CDH3: variants seen among roughly 807,000 people sequenced by gnomAD.
The protein encoded by CDH3 is cadherin 3, also known as cadherin-3.
Under a neutral mutation model 82.0 loss-of-function variants are expected in CDH3, and 54 were observed. The ratio of observed to expected loss-of-function variants is 0.66; its 90% confidence interval spans 0.53 to 0.83. The LOEUF (loss-of-function observed/expected upper bound fraction) is 0.83, where lower values mean the gene tolerates loss of function less well. CDH3 is among the 40% of genes least tolerant of loss of function. The pLI, the probability that CDH3 is intolerant of heterozygous loss-of-function variation, is 0.00. For synonymous variants in CDH3, 446 were observed against 437.9 expected, an observed-to-expected ratio of 1.02 and a Z score of -0.23; for missense variants, 1,054 against 1,084.6, an observed-to-expected ratio of 0.97 and a Z score of 0.40.
At chr16:68,732,521 A>G in the CDH3 span, among the ~76,000 whole-genome samples, 3 of 152,240 alleles carry the variant, frequency 2.0e-5, no homozygotes, top group East Asian at 3.9e-4. Context: ...GTTATCTGCC[A>G]GGTGACAGGG....
In CDH3 at chr16:68,691,740, C is replaced by A; in HGVS notation, c.1816C>A (p.Leu606Met). The A allele has an allele frequency of 6.2e-7, 1 of 1,614,118 alleles. No homozygotes were observed. The highest frequency in any genetic ancestry group is 8.5e-7 in the Non-Finnish European group (1 of 1,179,964). The change falls in exon 13 of 16, where the codon CTG becomes ATG. Residue 606 changes from leucine to methionine, a missense_variant. Physicochemically the swap from Leu to Met is conservative, Grantham distance 15 (BLOSUM62 2). Coordinates refer to ENST00000264012, the MANE Select transcript of CDH3 (RefSeq NM_001793.6). ...TCCAGGTGACACAGTGGTCTTGTCCCTGAAGAAGTTCCTGAAGCAGGATAC... is the reference window on the plus strand; with the variant it reads ...TCCAGGTGACACAGTGGTCTTGTCCATGAAGAAGTTCCTGAAGCAGGATAC... ...NEEGDTVVLS[L>M]KKFLKQDTYD...
intron 2 of CDH3, among the ~76,000 whole-genome samples, chr16:68,656,802 C>T (rs534232266): frequency 6.6e-6 from 1 of 152,342 alleles, no homozygotes; most frequent in South Asian, 2.1e-4. Context: ...ATTCTCTCCA[C>T]AGGCCCCTGC....
Position 68,706,325 on chromosome 16 carries a change from T to C in CDH3, c.99+10402T>C, listed in dbSNP as rs563278452. On this transcript the variant is annotated intron_variant, in intron 1 of 2. Coordinates refer to the CDH3 transcript ENST00000569080. ...GTCCCAGCCCAGGAGCAGCGGCCAG[T>C]GCCCTGCTCTACCCAGCCCAAGCAC... Among the ~76,000 whole-genome samples, 113 of 152,066 alleles carry C rather than the reference T, an allele frequency of 7.4e-4. 1 individual carries two copies. Among genetic ancestry groups the C allele is most frequent in the African/African-American group, 2.5e-3 (104 of 41,508 alleles).
At chr16:68,694,331 A>T (rs1381368465) in intron 13 of CDH3, among the ~76,000 whole-genome samples, 31 of 149,526 alleles carry the variant, frequency 2.1e-4, no homozygotes, top group Non-Finnish European at 3.7e-4. Context: ...AAAAAAAAAA[A>T]AAAATTCCGG....
At chr16:68,688,256 C>T (rs1255160894) in intron 12 of CDH3, among the ~76,000 whole-genome samples, 3 of 151,782 alleles carry the variant, frequency 2.0e-5, no homozygotes, top group Non-Finnish European at 4.4e-5. Flanking sequence ...CCCCGTGGCC[C>T]ACAAGATGCC....
chr16:68,719,201 C>T (rs1304119180), intron 1 of CDH3, among the ~76,000 whole-genome samples: 7 of 150,946 alleles, frequency 4.6e-5, no homozygotes, highest in Non-Finnish European at 1.0e-4. Flanking sequence ...GGAGATTGTG[C>T]CATTGCACTC....
intron 1 of CDH3, among the ~76,000 whole-genome samples, chr16:68,718,184 T>C (rs1159112612): frequency 6.6e-6 from 1 of 152,034 alleles, no homozygotes; most frequent in East Asian, 1.9e-4. Context: ...TTTGTATTTT[T>C]TCTAGAGATA....
At position 68,716,620 on chromosome 16, in the gene CDH3, C is replaced by CAAAAAA. The variant is rs563385107; in HGVS notation, c.100-5791_100-5786dup. Among the ~76,000 whole-genome samples, 34 of 100,760 alleles carry CAAAAAA rather than the reference C, an allele frequency of 3.4e-4. 3 individuals carry two copies. Among genetic ancestry groups the CAAAAAA allele is most frequent in the Non-Finnish European group, 3.9e-4 (21 of 53,598 alleles). 66.1% of individuals were successfully genotyped at this position (100,760 alleles called of 152,430 possible). A position where few individuals can be genotyped will look rare whatever the true frequency, so the allele number is the denominator to read the frequency against. On this transcript the variant is annotated intron_variant, in intron 1 of 2. Coordinates refer to the CDH3 transcript ENST00000569080. ...TGGGTGACAGAATGAGACTCCGGCT[C>CAAAAAA]AAAAAAAAAAAAAAAAAAAGAAAAG...
Position 68,678,574 on chromosome 16 carries a change from A to AG in CDH3, c.467dup (p.Val157CysfsTer15). ...GGGCCGGGGGCAGACAGCCCCCCTG[A>AG]GGGTGTCTTCGCTGTAGAGAAGGAG... On this transcript the variant is annotated frameshift_variant, in exon 5 of 16. Coordinates refer to ENST00000264012, the MANE Select transcript of CDH3 (RefSeq NM_001793.6). LOFTEE classifies it high-confidence loss of function. The AG allele has an allele frequency of 6.2e-7, 1 of 1,614,236 alleles. No homozygotes were observed. The highest frequency in any genetic ancestry group is 8.5e-7 in the Non-Finnish European group (1 of 1,180,030).
rs774584408 is a variant in CDH3, at chr16:68,695,773, A to C, written c.2134-4A>C. 1 of 1,614,056 alleles carries C rather than the reference A, an allele frequency of 6.2e-7. No homozygotes were observed. Among genetic ancestry groups the C allele is most frequent in the Non-Finnish European group, 8.5e-7 (1 of 1,180,006 alleles). On this transcript the variant is annotated splice_polypyrimidine_tract_variant and splice_region_variant and intron_variant, in intron 14 of 15. Transcript: ENST00000264012. ...GTCACCTGCTCTCCTGCATTTCCCC[A>C]CAGGACTATGACATCACCCAGCTCC...
At position 68,684,739 on chromosome 16, in the gene CDH3, G is replaced by A. The variant is rs145160881; in HGVS notation, c.1339G>A (p.Val447Ile). The part of the protein sequence containing the change: ...APVFVPPSKV[V>I]EVQEGIPTGE... ...TGTGTTTGTCCCACCCTCCAAAGTC[G>A]TTGAGGTCCAGGAGGGCATCCCCAC... The change falls in exon 10 of 16, where the codon GTT (valine) becomes ATT (isoleucine). Residue 447 changes from valine to isoleucine, a missense_variant. Coordinates refer to ENST00000264012, the MANE Select transcript of CDH3 (RefSeq NM_001793.6). 321 of 1,614,084 alleles carry A rather than the reference G, an allele frequency of 2.0e-4. 1 individual carries two copies. Among genetic ancestry groups the A allele is most frequent in the Non-Finnish European group, 2.5e-4 (293 of 1,180,056 alleles).
chr16:68,698,278 G>A lies in CDH3; in HGVS notation c.2368G>A (p.Ala790Thr), dbSNP rs773908098. The A allele has an allele frequency of 4.1e-5, 66 of 1,614,212 alleles. No homozygotes were observed. The South Asian group carries it at 6.3e-4, about 15-fold the overall frequency. Reference protein sequence around the residue: ...FDYEGSGSDAASLSSLTSSAS... With the variant: ...FDYEGSGSDATSLSSLTSSAS... ...CTATGAGGGCAGCGGCTCCGACGCC[G>A]CGTCCCTGAGCTCCCTCACCTCCTC... Residue 790 changes from alanine (A) to threonine (T), a missense_variant, in exon 16 of 16, where the codon GCG becomes ACG. Transcript: ENST00000264012.
intron 1 of CDH3, among the ~76,000 whole-genome samples, chr16:68,706,164 A>G (rs1022710841): frequency 1.3e-5 from 2 of 152,206 alleles, no homozygotes; most frequent in Non-Finnish European, 2.9e-5. Context: ...CGACATCACA[A>G]ACTCCTAAGT....
downstream of CDH3, among the ~76,000 whole-genome samples, chr16:68,731,034 AAAAAAAAAAAAAAATATATAT>A (rs1055276779): frequency 5.8e-5 from 2 of 34,718 alleles, no homozygotes; most frequent in Admixed American, 3.8e-4. Context: ...AAAAAAAAAA[AAAAAAAAAAAAAAATATATAT>A]ATATATATAT....
rs775427199 is a variant in CDH3, at chr16:68,679,820, C to A, written c.713C>A (p.Thr238Lys). The change falls in exon 7 of 16, where the codon ACA becomes AAA. Residue 238 changes from threonine to lysine, a missense_variant. Transcript: ENST00000264012. Reference protein sequence around the residue: ...VLPGTSVMQVTATDEDDAIYT... With the variant: ...VLPGTSVMQVKATDEDDAIYT... Reference sequence around the variant, plus strand: ...CCAGGTACTTCTGTGATGCAGGTGACAGCCACGGATGAGGATGATGCCATC... The same window carrying A: ...CCAGGTACTTCTGTGATGCAGGTGAAAGCCACGGATGAGGATGATGCCATC... The A allele has an allele frequency of 6.2e-7, 1 of 1,611,534 alleles. No homozygotes were observed. The highest frequency in any genetic ancestry group is 8.5e-7 in the Non-Finnish European group (1 of 1,178,688).
chr16:68,674,707 C>T, intron 2 of CDH3, among the ~76,000 whole-genome samples: 1 of 152,050 alleles, frequency 6.6e-6, no homozygotes, highest in South Asian at 2.1e-4. Flanking sequence ...TGCATTCCAG[C>T]CTAAGTGACA....
rs1361664647 is a variant in CDH3, at chr16:68,684,755, G to A, written c.1355G>A (p.Gly452Asp). ...PPSKVVEVQE[G>D]IPTGEPVCVY... ...TCCAAAGTCGTTGAGGTCCAGGAGG[G>A]CATCCCCACTGGGGAGCCTGTGTGT... is the stretch of plus-strand genomic sequence containing the variant. The change falls in exon 10 of 16, where the codon GGC (glycine) becomes GAC (aspartate). Residue 452 changes from glycine (G) to aspartate (D), a missense_variant. Transcript: ENST00000264012. The A allele has an allele frequency of 3.7e-6, 6 of 1,614,154 alleles. No individual in the cohort carries two copies. Among genetic ancestry groups the A allele is most frequent in the Non-Finnish European group, 5.1e-6 (6 of 1,180,020 alleles).
At chr16:68,680,698 A>G (rs888600764) in intron 7 of CDH3, among the ~76,000 whole-genome samples, 2 of 152,204 alleles carry the variant, frequency 1.3e-5, no homozygotes, top group Admixed American at 6.6e-5. Flanking sequence ...AGCAAGACTC[A>G]TTCTGGAGCA....
chr16:68,681,239 C>G (rs937570597), intron 8 of CDH3, 143 bp downstream of exon 8: 7 of 811,928 alleles, frequency 8.6e-6, no homozygotes, highest in Non-Finnish European at 4.2e-6. Context: ...ACTACCTAAC[C>G]TCTCTGTGCC....
Sources: gnomAD v4.1 joint callset for allele counts (sites outside exome capture counted in the v4.1 genomes callset) on GRCh38, gnomAD v4.1.1 for gene constraint, MANE v1.5 for transcripts, NCBI Gene and HGNC (gene_info 2026-07-23, HGNC 2026-07-21) for gene names.